Variants in RBM20 observed in about 807,000 individuals in gnomAD.
RBM20 encodes the protein RNA binding motif protein 20.
A neutral mutation model predicts 110.1 loss-of-function variants in RBM20; 51 were observed. That is an observed-to-expected ratio of 0.46 (90% CI 0.37 to 0.59). The LOEUF (loss-of-function observed/expected upper bound fraction) is 0.59. RBM20 is among the 20% of genes least tolerant of loss of function. The probability of loss-of-function intolerance (pLI) is 0.00; values close to 1 mark genes in which losing one functional copy is unlikely to be tolerated. For synonymous variants in RBM20, 589 were observed against 618.2 expected, an observed-to-expected ratio of 0.95 and a Z score of 0.70; for missense variants, 1,512 against 1,574.9, an observed-to-expected ratio of 0.96 and a Z score of 0.68.
chr10:110,810,170 A>G (rs929158630), intron 7 of RBM20, among the ~76,000 whole-genome samples: 5 of 152,084 alleles, frequency 3.3e-5, no homozygotes, highest in Non-Finnish European at 5.9e-5. Context: ...CCCCAGCTCA[A>G]TGGACCACTC....
Position 110,730,958 on chromosome 10 carries a change from G to A in RBM20, c.192-49843G>A, listed in dbSNP as rs144549639. ...GCGTGCACACAGCACCAATCGCTTC[G>A]TACTGGCCCCATTAGAAACCAGTGG... On this transcript the variant is annotated intron_variant, in intron 1 of 13. Transcript: ENST00000369519. 1.6e-3 allele frequency among the ~76,000 whole-genome samples: 244 copies of A among 152,310 alleles called. 2 individuals carry two copies. Among genetic ancestry groups the A allele is most frequent in the Non-Finnish European group, 2.2e-3 (152 of 68,032 alleles).
intron 1 of RBM20, among the ~76,000 whole-genome samples, chr10:110,669,904 C>A (rs989142311): frequency 2.1e-4 from 32 of 152,338 alleles, no homozygotes; most frequent in African/African-American, 7.5e-4. Flanking sequence ...GGTCAATCGA[C>A]AAACTCCTGA....
chr10:110,665,069 C>G (rs4313507), intron 1 of RBM20, among the ~76,000 whole-genome samples: 117,607 of 151,906 alleles, frequency 0.77, 45,604 homozygotes, highest in Admixed American at 0.78. Context: ...TAGAGATAGG[C>G]TCTTCCTATA....
chr10:110,737,268 A>G (rs1337815189), intron 1 of RBM20, among the ~76,000 whole-genome samples: 1 of 151,094 alleles, frequency 6.6e-6, no homozygotes, highest in African/African-American at 2.4e-5. Flanking sequence ...AGGCAGCAAG[A>G]AGGCACCATC....
At chr10:110,727,172 T>C (rs1008276528) in intron 1 of RBM20, among the ~76,000 whole-genome samples, 129 of 136,544 alleles carry the variant, frequency 9.4e-4, no homozygotes, top group African/African-American at 3.2e-3. Context: ...TTTTTTTTTT[T>C]ACTATTAAGA....
intron 12 of RBM20, among the ~76,000 whole-genome samples, chr10:110,827,543 G>A (rs1844997891): frequency 1.3e-5 from 2 of 152,188 alleles, no homozygotes; most frequent in Admixed American, 1.3e-4. Flanking sequence ...CTGATTCCCT[G>A]AGTTTAAATC....
chr10:110,674,200 G>A (rs1862300559), intron 1 of RBM20, among the ~76,000 whole-genome samples: 2 of 152,150 alleles, frequency 1.3e-5, no homozygotes, highest in Admixed American at 1.3e-4. Context: ...GAAGGGCTGG[G>A]CTTTAATATC....
At chr10:110,770,224 C>T (rs1844169181) in intron 1 of RBM20, among the ~76,000 whole-genome samples, 2 of 152,106 alleles carry the variant, frequency 1.3e-5, no homozygotes, top group African/African-American at 4.8e-5. Flanking sequence ...AGGAAGTTCT[C>T]CTCTCCGGGT....
At chr10:110,701,398 CT>C (rs527908106) in intron 1 of RBM20, among the ~76,000 whole-genome samples, 1 of 152,072 alleles carries the variant, frequency 6.6e-6, no homozygotes, top group Non-Finnish European at 1.5e-5. Context: ...ACTGATTCTC[CT>C]TTTTTTCTGA....
At chr10:110,762,615 C>T (rs1252477564) in intron 1 of RBM20, among the ~76,000 whole-genome samples, 1 of 152,180 alleles carries the variant, frequency 6.6e-6, no homozygotes, top group African/African-American at 2.4e-5. Flanking sequence ...AGATACACAG[C>T]TCCGGCTGTA....
rs761105441 is a variant in RBM20, at chr10:110,781,351, C to A, written c.742C>A (p.Pro248Thr). 2 of 1,551,720 alleles carry A rather than the reference C, an allele frequency of 1.3e-6. No individual in the cohort carries two copies. The highest frequency in any genetic ancestry group is 2.4e-5 in the South Asian group (2 of 84,068). Reference sequence around the variant, plus strand: ...ATATGGCCCTGAAACAGATGGTCAGCCTGGCTTCCTGCCATCCTCGGCCTC... The same window carrying A: ...ATATGGCCCTGAAACAGATGGTCAGACTGGCTTCCTGCCATCCTCGGCCTC... ...QTYGPETDGQ[P>T]GFLPSSASTS... is the part of the protein sequence containing the mutation. The change falls in exon 2 of 14, where the codon CCT becomes ACT. Residue 248 changes from proline to threonine, a missense_variant. Pro to Thr is a conservative substitution (Grantham distance 38). Around this residue, in one of 3 missense-constraint regions of RBM20, gnomAD observed 1,149 missense variants for 1,169.4 expected, o/e 0.98. Coordinates refer to ENST00000369519, the MANE Select transcript of RBM20 (RefSeq NM_001134363.3).
intron 1 of RBM20, among the ~76,000 whole-genome samples, chr10:110,646,169 G>T (rs1861864795): frequency 6.6e-6 from 1 of 152,082 alleles, no homozygotes; most frequent in South Asian, 2.1e-4. Context: ...AAATTGCTTC[G>T]GTATTGTAAT....
At chr10:110,656,162 C>T (rs111865377) in intron 1 of RBM20, among the ~76,000 whole-genome samples, 17,434 of 151,892 alleles carry the variant, frequency 0.11, 1,332 homozygotes, top group East Asian at 0.25. Context: ...ATTTGCCGGG[C>T]GTGGTGGTGG....
At chr10:110,696,448 G>A (rs1862665286) in intron 1 of RBM20, among the ~76,000 whole-genome samples, 1 of 152,150 alleles carries the variant, frequency 6.6e-6, no homozygotes, top group Non-Finnish European at 1.5e-5. Flanking sequence ...GAGCTGTCAC[G>A]TCAGACCTCT....
intron 1 of RBM20, among the ~76,000 whole-genome samples, chr10:110,654,737 G>C (rs904866012): frequency 8.5e-5 from 13 of 152,188 alleles, no homozygotes; most frequent in African/African-American, 2.9e-4. Flanking sequence ...GGTGAAAAAG[G>C]TGGTGTGGAG....
At chr10:110,810,314 C>A in intron 7 of RBM20, 69 bp from the exon 8 acceptor site, 2 of 1,180,444 alleles carry the variant, frequency 1.7e-6, no homozygotes, top group Non-Finnish European at 2.5e-6. Context: ...TGACCCAGGT[C>A]AGAGCTGCTT....
intron 1 of RBM20, among the ~76,000 whole-genome samples, chr10:110,701,475 C>A (rs932455305): frequency 6.6e-6 from 1 of 152,184 alleles, no homozygotes; most frequent in African/African-American, 2.4e-5. Flanking sequence ...CGTGTATGAG[C>A]CGGAGATTTC....
intron 1 of RBM20, among the ~76,000 whole-genome samples, chr10:110,695,449 G>A (rs1249238046): frequency 2.6e-4 from 40 of 152,168 alleles, no homozygotes; most frequent in Admixed American, 2.6e-3. Flanking sequence ...TCTGTCTGCT[G>A]GAAAGCTGCC....
chr10:110,658,324 G>A (rs1431830499), intron 1 of RBM20, among the ~76,000 whole-genome samples: 1 of 152,140 alleles, frequency 6.6e-6, no homozygotes, highest in Non-Finnish European at 1.5e-5. Flanking sequence ...ACAGTGCTGG[G>A]GGGTGAGTGA....
Sources: allele counts gnomAD v4.1 joint callset (sites outside exome capture counted in the v4.1 genomes callset), GRCh38; gene constraint gnomAD v4.1.1; regional missense constraint gnomAD v4.1.1; transcripts MANE v1.5; gene names NCBI Gene and HGNC (gene_info 2026-07-23, HGNC 2026-07-21).